PSG7: variants seen among roughly 807,000 people sequenced by gnomAD.
The protein encoded by PSG7 is pregnancy-specific beta-1-glycoprotein 7.
In PSG7, 57 loss-of-function variants were observed where a neutral mutation model predicts 45.6. The ratio of observed to expected loss-of-function variants is 1.25; its 90% CI spans 1.01 to 1.56. The LOEUF is 1.56. PSG7 is among the 40% of genes most tolerant of loss of function. PSG7 has a pLI of 0.00. For synonymous variants in PSG7, 298 were observed against 194.4 expected, an observed-to-expected ratio of 1.53 and a Z score of -4.43; for missense variants, 796 against 508.4, an observed-to-expected ratio of 1.57 and a Z score of -5.44.
intron 2 of PSG7, among the ~76,000 whole-genome samples, chr19:42,932,832 G>T (rs931291684): frequency 7.9e-5 from 12 of 151,442 alleles, no homozygotes; most frequent in African/African-American, 1.7e-4. Context: ...CTAAAATGTT[G>T]GCACAGTTTC....
Position 42,933,298 on chromosome 19 carries a change from TATATATA to T in PSG7, c.430+2099_430+2105del, listed in dbSNP as rs1310853499. On this transcript the variant is annotated intron_variant, in intron 2 of 5. Transcript: ENST00000406070. ...ATATATATATATATATATATATATA[TATATATA>T]TATTTTTTTTTTTTTTTGGTGTATG... 1.5e-3 allele frequency among the ~76,000 whole-genome samples: 27 copies of T among 18,398 alleles called. 2 individuals are homozygous for T. Among genetic ancestry groups the T allele is most frequent in the South Asian group, 8.0e-3 (3 of 374 alleles). 12.1% of individuals were successfully genotyped at this position (18,398 alleles called of 152,430 possible).
Position 42,935,463 on chromosome 19 carries a change from A to G in PSG7, c.371T>C (p.Ile124Thr). 1.2e-6 allele frequency: 2 copies of G among 1,612,162 alleles called. No homozygotes were observed. Among genetic ancestry groups the G allele is most frequent in the South Asian group, 1.1e-5 (1 of 90,814 alleles). ...TCCAGTCCCATCACCTCGCTTTATG[A>G]TGTGTAAAGTGTAGGATCCTGTGTC... ...QEDTGSYTLH[I>T]IKRGDGTGGV... The change falls in exon 2 of 6, where the codon ATC (isoleucine) becomes ACC (threonine). Residue 124 changes from isoleucine (I) to threonine (T), a missense_variant. Coordinates refer to ENST00000406070, the MANE Select transcript of PSG7 (RefSeq NM_002783.3).
At chr19:42,935,824 A>C in intron 1 of PSG7, 55 bp from the exon 2 acceptor site, 1 of 1,554,288 alleles carries the variant, frequency 6.4e-7, no homozygotes, top group Non-Finnish European at 8.7e-7. Flanking sequence ...TGGGTTGAAA[A>C]GATGGGCCCC....
At chr19:42,933,297 A>ATTTTTTTTT (rs1399711757) in intron 2 of PSG7, among the ~76,000 whole-genome samples, 2 of 13,252 alleles carry the variant, frequency 1.5e-4, no homozygotes, top group African/African-American at 4.0e-4. Context: ...ATATATATAT[A>ATTTTTTTTT]TATATATATA....
rs374237647 is a variant in PSG7, at chr19:42,925,971, T to C, written c.1045A>G (p.Asn349Asp). The C allele has an allele frequency of 3.5e-5, 56 of 1,611,904 alleles. 4 individuals are homozygous for C. The highest frequency in any genetic ancestry group is 1.5e-5 in the Non-Finnish European group (18 of 1,179,074). ...TCCGCAAAGCAGGACAAGTAGAGGT[T>C]TTGTCCTGAATGGTAATAGGTGAAT... is the stretch of plus-strand genomic sequence containing the variant. ...PSFTYYHSGQNLYLSCFADSN... is the reference protein window; with the variant it reads ...PSFTYYHSGQDLYLSCFADSN... Residue 349 changes from asparagine (N) to aspartate (D), a missense_variant, in exon 5 of 6, where the codon AAC becomes GAC. Coordinates refer to ENST00000406070, the MANE Select transcript of PSG7 (RefSeq NM_002783.3).
chr19:42,935,533 C>G lies in PSG7; in HGVS notation c.301G>C (p.Val101Leu). 1 of 1,612,202 alleles carries G rather than the reference C, an allele frequency of 6.2e-7. No individual in the cohort carries two copies. The change falls in exon 2 of 6, where the codon GTA becomes CTA. Residue 101 changes from valine to leucine, a missense_variant. Transcript: ENST00000406070. ...YGPAYSGRET[V>L]YSNASLLIQN... is the part of the protein sequence containing the mutation. ...ATCAGCAGGGATGCATTGGAATATA[C>G]TGTTTCTCGTCCACTGTATGCAGGC... is the stretch of plus-strand genomic sequence containing the variant.
intron 2 of PSG7, among the ~76,000 whole-genome samples, chr19:42,933,839 G>C (rs528072036): frequency 1.3e-5 from 2 of 151,052 alleles, no homozygotes; most frequent in African/African-American, 4.9e-5. Flanking sequence ...AGAACCCTCC[G>C]TGGCCAAAGA....
At chr19:42,927,784 G>T (rs1289418656) in intron 3 of PSG7, among the ~76,000 whole-genome samples, 4 of 151,578 alleles carry the variant, frequency 2.6e-5, no homozygotes, top group Non-Finnish European at 5.9e-5. Context: ...ATCAGAAGTT[G>T]TTCATGGGTG....
At chr19:42,929,187 C>T in intron 3 of PSG7, 1 of 840,730 alleles carries the variant, frequency 1.2e-6, no homozygotes, top group Non-Finnish European at 1.8e-6. Flanking sequence ...GATCTGGAGC[C>T]TGAGACATTC....
chr19:42,928,256 G>T (rs375465480), intron 3 of PSG7, among the ~76,000 whole-genome samples: 1 of 151,384 alleles, frequency 6.6e-6, no homozygotes. Flanking sequence ...TGTTTTTGTT[G>T]TGGCAGTCAT....
rs557724185 is a variant in PSG7 at position 42,924,377 on chromosome 19, G to A, written c.*431C>T. 2.3e-6 allele frequency: 1 copy of A among 433,614 alleles called. No individual in the cohort carries two copies. The highest frequency in any genetic ancestry group is 3.9e-5 in the Admixed American group (1 of 25,890). The allele number at this position is 433,614 out of a possible 1,614,324, so 26.9% of individuals were successfully genotyped here. A position where few individuals can be genotyped will look rare whatever the true frequency, so the allele number is the denominator to read the frequency against. ...TGGAGAGAGCCACATTTCCTCCTGA[G>A]ATGTTATGTAAAAGTCTGAGGTTGA... is the stretch of plus-strand genomic sequence containing the variant. On this transcript the variant is annotated 3_prime_UTR_variant, in exon 6 of 6. Coordinates refer to ENST00000406070, the MANE Select transcript of PSG7 (RefSeq NM_002783.3).
chr19:42,932,223 C>T (rs575858346), intron 2 of PSG7, among the ~76,000 whole-genome samples: 2 of 151,420 alleles, frequency 1.3e-5, no homozygotes, highest in South Asian at 2.1e-4. Context: ...CGGGGTTTCA[C>T]CATGTTAGCC....
intron 2 of PSG7, among the ~76,000 whole-genome samples, chr19:42,934,351 G>A (rs1332133659): frequency 6.6e-6 from 1 of 151,318 alleles, no homozygotes; most frequent in East Asian, 1.9e-4. Context: ...AATGAGTATG[G>A]GGTGCTTGGA....
chr19:42,937,191 G>C lies in PSG7; in HGVS notation c.-115C>G, dbSNP rs533681661. 5 of 1,439,508 alleles carry C rather than the reference G, an allele frequency of 3.5e-6. No individual in the cohort carries two copies. The African/African-American group carries it at 4.3e-5, about 12-fold the overall frequency. 89.2% of individuals were successfully genotyped at this position (1,439,508 alleles called of 1,614,324 possible). A position where few individuals can be genotyped will look rare whatever the true frequency, so the allele number is the denominator to read the frequency against. ...CTCCTTCTGCACTGAGCCTCTTCCC[G>C]GGGCAGGAGCACTTCTCAAGCTCAT... On this transcript the variant is annotated 5_prime_UTR_variant, in exon 1 of 6. Transcript: ENST00000406070.
intron 5 of PSG7, chr19:42,925,441 A>G: frequency 1.7e-6 from 1 of 590,216 alleles, no homozygotes; most frequent in Middle Eastern, 5.1e-4. Flanking sequence ...TAAAAGACAA[A>G]TTTCCATAAA....
intron 5 of PSG7, chr19:42,925,545 A>C: frequency 8.8e-6 from 10 of 1,136,330 alleles, no homozygotes; most frequent in Non-Finnish European, 1.2e-5. Context: ...CAATGAAATC[A>C]ATGTTTTTCC....
chr19:42,926,178 G>A, intron 4 of PSG7, 151 bp from the exon 5 acceptor site: 3 of 1,426,368 alleles, frequency 2.1e-6, no homozygotes, highest in Non-Finnish European at 2.8e-6. Flanking sequence ...GAAGCCTGAG[G>A]TATTCACCTG....
At chr19:42,936,054 C>G (rs1307291537) in intron 1 of PSG7, 3 of 511,838 alleles carry the variant, frequency 5.9e-6, no homozygotes, top group Non-Finnish European at 6.3e-6. Context: ...ATCCTCTTCC[C>G]CAGGGGTCCG....
chr19:42,927,162 T>C (rs1162409201), intron 3 of PSG7: 2 of 203,924 alleles, frequency 9.8e-6, no homozygotes, highest in Non-Finnish European at 2.0e-5. Flanking sequence ...AGATGAGTAA[T>C]AATGGGACTT....
Sources: allele counts gnomAD v4.1 joint callset (sites outside exome capture counted in the v4.1 genomes callset), GRCh38; gene constraint gnomAD v4.1.1; transcripts MANE v1.5; gene names NCBI Gene and HGNC (gene_info 2026-07-23, HGNC 2026-07-21).